Variants in MARCHF10 observed in about 807,000 individuals in gnomAD.
MARCHF10 encodes the protein membrane associated ring-CH-type finger 10.
MARCHF10 carries 64 observed loss-of-function variants against 76.2 expected under a neutral mutation model. That is an observed-to-expected ratio of 0.84 (90% CI 0.69 to 1.03). The LOEUF (loss-of-function observed/expected upper bound fraction) is 1.03, where lower values mean the gene tolerates loss of function less well. Among genes scored for constraint, MARCHF10 ranks in the 50% least tolerant of loss-of-function variants. MARCHF10 has a pLI of 0.00. For synonymous variants in MARCHF10, 340 were observed against 357.5 expected (o/e 0.95, Z 0.55); for missense variants, 875 against 958.0 (o/e 0.91, Z 1.14).
rs1378029275 is a variant in MARCHF10 at position 62,738,598 on chromosome 17, G to A, written c.536-1266C>T. Reference sequence around the variant, plus strand: ...GGAAGGTCTGTGTTGATAACAGCTCGGGCTGGTGAAATGCAAATCCTCAGA... The same window carrying A: ...GGAAGGTCTGTGTTGATAACAGCTCAGGCTGGTGAAATGCAAATCCTCAGA... On this transcript the variant is annotated intron_variant, in intron 5 of 10. Transcript: ENST00000311269. The surrounding 1 kb of genome is among the most constrained non-coding windows in gnomAD (Gnocchi z 4.0). Among the ~76,000 whole-genome samples the A allele has an allele frequency of 6.6e-6, 1 of 152,104 alleles. No homozygotes were observed. Among genetic ancestry groups the A allele is most frequent in the Non-Finnish European group, 1.5e-5 (1 of 68,022 alleles).
chr17:62,798,523 A>T (rs1470049956), intron 2 of MARCHF10, among the ~76,000 whole-genome samples: 1 of 152,072 alleles, frequency 6.6e-6, no homozygotes, highest in Non-Finnish European at 1.5e-5. Flanking sequence ...TTAAGACTGC[A>T]GAAAATAAAG....
chr17:62,806,817 T>C (rs2093171700), intron 1 of MARCHF10, among the ~76,000 whole-genome samples: 1 of 152,232 alleles, frequency 6.6e-6, no homozygotes. Context: ...CTAAAAGTCA[T>C]GCATACGTAC....
intron 2 of MARCHF10, among the ~76,000 whole-genome samples, chr17:62,796,770 C>A (rs2092992422): frequency 6.6e-6 from 1 of 152,204 alleles, no homozygotes; most frequent in Admixed American, 6.5e-5. Context: ...GGGTGGATCA[C>A]TTGAGCCCAG....
intron 3 of MARCHF10, among the ~76,000 whole-genome samples, chr17:62,786,868 TGCAGAGGCACCCAGATGCCCACTTGTTTA>T (rs1238143486): frequency 1.3e-5 from 2 of 152,208 alleles, no homozygotes; most frequent in East Asian, 3.9e-4. Flanking sequence ...GAAAGTTCCC[TGCAGAGGCACCCAGATGCCCACTTGTTTA>T]GCAATTCCAA....
chr17:62,729,658 C>G (rs185667115), intron 6 of MARCHF10, among the ~76,000 whole-genome samples: 3 of 151,606 alleles, frequency 2.0e-5, no homozygotes, highest in African/African-American at 7.3e-5. Context: ...ACTGTAGACT[C>G]GACCTTCTGG....
At chr17:62,773,405 A>C (rs866794650) in intron 3 of MARCHF10, among the ~76,000 whole-genome samples, 5 of 152,194 alleles carry the variant, frequency 3.3e-5, no homozygotes, top group Non-Finnish European at 7.3e-5. Context: ...TGGAAGCCAG[A>C]TTGGAGTGGG....
chr17:62,805,040 A>G (rs9901698), intron 1 of MARCHF10: 88,724 of 152,010 alleles, frequency 0.58, 25,852 homozygotes, highest in East Asian at 0.69. Context: ...ATGGTTTATC[A>G]TCTGGCCCTG....
chr17:62,789,388 G>A (rs1418779258), intron 2 of MARCHF10, among the ~76,000 whole-genome samples: 2 of 152,154 alleles, frequency 1.3e-5, no homozygotes, highest in East Asian at 1.9e-4. Flanking sequence ...TGGCAAAACC[G>A]ACTGATCTAC....
At chr17:62,783,916 T>A (rs918672458) in intron 3 of MARCHF10, among the ~76,000 whole-genome samples, 1 of 152,186 alleles carries the variant, frequency 6.6e-6, no homozygotes, top group African/African-American at 2.4e-5. Context: ...CAGGACCAGA[T>A]GGATTCACAG....
At chr17:62,744,258 C>A (rs1350567575) in intron 5 of MARCHF10, 118 bp downstream of exon 5, 8 of 1,119,640 alleles carry the variant, frequency 7.1e-6, no homozygotes, top group Non-Finnish European at 1.0e-5. Flanking sequence ...TTTTAAGGTA[C>A]ATGCACCTCA....
intron 3 of MARCHF10, among the ~76,000 whole-genome samples, chr17:62,772,200 T>TG (rs1353450724): frequency 3.3e-5 from 5 of 151,960 alleles, no homozygotes; most frequent in Admixed American, 2.0e-4. Flanking sequence ...AATTAAATCA[T>TG]GGGGGTGGGT....
In MARCHF10 at chr17:62,722,398, C is replaced by T. The variant is rs532368596; in HGVS notation, c.2214+90G>A. The T allele has an allele frequency of 1.9e-5, 16 of 855,268 alleles. No individual in the cohort carries two copies. The East Asian group carries it at 3.4e-4, about 18-fold the overall frequency. The allele number at this position is 855,268 out of a possible 1,614,324, so 53.0% of individuals were successfully genotyped here. A position where few individuals can be genotyped will look rare whatever the true frequency, so the allele number is the denominator to read the frequency against. ...GACTCCTGCCAGCAGAGACCTTCTACATTTCTTAGATCAGGGAAGGGGAAT... is the reference window on the plus strand; with the variant it reads ...GACTCCTGCCAGCAGAGACCTTCTATATTTCTTAGATCAGGGAAGGGGAAT... On this transcript the variant is annotated intron_variant, in intron 8 of 10. Coordinates refer to ENST00000311269, the MANE Select transcript of MARCHF10 (RefSeq NM_152598.4).
chr17:62,731,636 C>T (rs1446904289), intron 6 of MARCHF10, among the ~76,000 whole-genome samples: 25 of 152,140 alleles, frequency 1.6e-4, no homozygotes, highest in Admixed American at 1.6e-3. Context: ...AGAAAGAGGA[C>T]CCTCATAAGG....
At chr17:62,793,375 A>T (rs1295695505) in intron 2 of MARCHF10, among the ~76,000 whole-genome samples, 2 of 131,012 alleles carry the variant, frequency 1.5e-5, no homozygotes, top group East Asian at 4.7e-4. Context: ...ATCAACCACC[A>T]CCACCTCCAT....
At chr17:62,744,609 G>A in intron 4 of MARCHF10, 81 bp from the exon 5 acceptor site, 2 of 1,505,098 alleles carry the variant, frequency 1.3e-6, no homozygotes, top group Non-Finnish European at 1.8e-6. Context: ...AAAGGGCCCA[G>A]CAATGTTTGG....
intron 2 of MARCHF10, among the ~76,000 whole-genome samples, chr17:62,792,878 T>C (rs1452524030): frequency 1.8e-4 from 11 of 62,562 alleles, no homozygotes; most frequent in South Asian, 6.6e-4. Flanking sequence ...CCCATCACCA[T>C]CCCCTCCATC....
chr17:62,720,246 C>G (rs1252108065), intron 8 of MARCHF10, among the ~76,000 whole-genome samples: 2 of 152,116 alleles, frequency 1.3e-5, no homozygotes, highest in Non-Finnish European at 1.5e-5. Context: ...TTCTTGGTAG[C>G]CAGACGTGAT....
chr17:62,712,655 A>G lies in MARCHF10; in HGVS notation c.2215-1311T>C, dbSNP rs2089990630. 6.6e-6 allele frequency among the ~76,000 whole-genome samples: 1 copy of G among 152,120 alleles called. No individual in the cohort carries two copies. The highest frequency in any genetic ancestry group is 6.5e-5 in the Admixed American group (1 of 15,272). On this transcript the variant is annotated intron_variant, in intron 8 of 10. Transcript: ENST00000311269. This position sits in a 1 kb window ranked among gnomAD's most constrained non-coding sequence, Gnocchi z 4.2. ...CTCTGTCCTTAGCAGTTAGCCTCCTATTTTTAGCCTTTGGTCGTGTTTTTT... is the reference window on the plus strand; with the variant it reads ...CTCTGTCCTTAGCAGTTAGCCTCCTGTTTTTAGCCTTTGGTCGTGTTTTTT...
intron 2 of MARCHF10, chr17:62,795,051 C>G (rs1253593346): frequency 3.0e-6 from 3 of 985,156 alleles, no homozygotes; most frequent in Non-Finnish European, 3.6e-6. Flanking sequence ...GAATCCCTCA[C>G]CTCCGTCCCT....
Sources: allele counts gnomAD v4.1 joint callset (sites outside exome capture counted in the v4.1 genomes callset), GRCh38; gene constraint gnomAD v4.1.1; non-coding constraint Gnocchi (gnomAD v3.1); transcripts MANE v1.5; gene names NCBI Gene and HGNC (gene_info 2026-07-23, HGNC 2026-07-21).